Variants in ZGRF1 observed in about 807,000 individuals in gnomAD.
ZGRF1 encodes the protein 5'-3' DNA helicase ZGRF1.
Under a neutral mutation model 203.5 loss-of-function variants are expected in ZGRF1, and 196 were observed. That is an observed-to-expected ratio of 0.96 (90% CI 0.86 to 1.08). The LOEUF is 1.08. Among genes scored for constraint, ZGRF1 ranks in the 50% least tolerant of loss-of-function variants. The pLI is 0.00. For missense variants in ZGRF1, 2,326 were observed against 2,416.3 expected (o/e 0.96, Z 0.78); for synonymous variants, 809 against 841.3 (o/e 0.96, Z 0.66).
chr4:112,590,924 C>CAAAAAA (rs550984359), intron 10 of ZGRF1, among the ~76,000 whole-genome samples: 1 of 64,624 alleles, frequency 1.5e-5, no homozygotes, highest in Non-Finnish European at 3.3e-5. Context: ...GACTCCTTCT[C>CAAAAAA]AAAAAAAAAA....
chr4:112,568,947 C>T (rs111974310), intron 16 of ZGRF1, among the ~76,000 whole-genome samples: 10,753 of 151,582 alleles, frequency 0.071, 516 homozygotes, highest in Non-Finnish European at 0.099. Flanking sequence ...ATTCAGGAGG[C>T]GGAGGTTGCA....
rs757643500 is a variant in ZGRF1, at chr4:112,617,426, C to T, written c.2602+14G>A. 4 of 1,509,280 alleles carry T rather than the reference C, an allele frequency of 2.7e-6. No individual in the cohort carries two copies. In the African/African-American group the frequency reaches 5.6e-5, roughly 21 times the overall value. 93.5% of individuals were successfully genotyped at this position (1,509,280 alleles called of 1,614,324 possible). A position where few individuals can be genotyped will look rare whatever the true frequency, so the allele number is the denominator to read the frequency against. On this transcript the variant is annotated intron_variant, in intron 6 of 27. Coordinates refer to ENST00000505019, the MANE Select transcript of ZGRF1 (RefSeq NM_018392.5). ...TATAAAGAAAACATTCCAAAATAGACATGCAATTCTAACCTTCAGGAGGGC... is the reference window on the plus strand; with the variant it reads ...TATAAAGAAAACATTCCAAAATAGATATGCAATTCTAACCTTCAGGAGGGC...
rs186949096 is a variant in ZGRF1, at chr4:112,635,237, G to A, written c.-67+1614C>T. ...ATGCCAAGAAGATAAAAGAGAGATC[G>A]AGAAAAACACTCCTGGGCTAGATAT... is the stretch of plus-strand genomic sequence containing the variant. On this transcript the variant is annotated intron_variant, in intron 1 of 27. Transcript: ENST00000505019. Among the ~76,000 whole-genome samples, 179 of 151,924 alleles carry A rather than the reference G, an allele frequency of 1.2e-3. 1 individual carries two copies. Among genetic ancestry groups the A allele is most frequent in the African/African-American group, 4.1e-3 (168 of 41,426 alleles).
At chr4:112,578,949 C>G (rs1486853621) in intron 16 of ZGRF1, among the ~76,000 whole-genome samples, 1 of 122,852 alleles carries the variant, frequency 8.1e-6, no homozygotes, top group Non-Finnish European at 1.8e-5. Context: ...GATACCAAAG[C>G]CTGGCAGAGA....
At chr4:112,627,363 T>C (rs2047271044) in intron 3 of ZGRF1, among the ~76,000 whole-genome samples, 1 of 152,226 alleles carries the variant, frequency 6.6e-6, no homozygotes, top group South Asian at 2.1e-4. Context: ...TAGATTATTC[T>C]ACAGCCTCTA....
At position 112,581,711 on chromosome 4, in the gene ZGRF1, G is replaced by C. The variant is rs769994271; in HGVS notation, c.4390C>G (p.Leu1464Val). The C allele has an allele frequency of 1.9e-6, 3 of 1,583,440 alleles. No homozygotes were observed. In the African/African-American group the frequency reaches 4.1e-5, roughly 22 times the overall value. ...TCCTTCCGACTTAGCTTAAGATAAA[G>C]TTTGGTTTTTGGTTCATTATAAAAC... ...PEFYNEPKTK[L>V]YLKLSRKERS... The change falls in exon 16 of 28, where the codon CTT becomes GTT. Residue 1464 changes from leucine to valine, a missense_variant. Transcript: ENST00000505019.
chr4:112,546,899 G>T (rs79010509), intron 24 of ZGRF1: 2 of 153,246 alleles, frequency 1.3e-5, no homozygotes, highest in East Asian at 1.9e-4. Flanking sequence ...CCCAGTCTCA[G>T]GTTTTTCTGT....
intron 16 of ZGRF1, among the ~76,000 whole-genome samples, chr4:112,578,447 C>G (rs1227540216): frequency 9.3e-6 from 1 of 107,784 alleles, no homozygotes; most frequent in Admixed American, 1.1e-4. Context: ...GAAATAGAGA[C>G]ACAAAAAACC....
At chr4:112,628,591 A>G (rs1578495398) in intron 3 of ZGRF1, 1 of 455,950 alleles carries the variant, frequency 2.2e-6, no homozygotes, top group African/African-American at 2.0e-5. Context: ...TGAGGGCGTT[A>G]TTTAGGAAAC....
chr4:112,571,414 T>A (rs1744195815), intron 16 of ZGRF1, among the ~76,000 whole-genome samples: 1 of 152,076 alleles, frequency 6.6e-6, no homozygotes, highest in Admixed American at 6.6e-5. Flanking sequence ...AACAATACAA[T>A]GGTATCAGAG....
At chr4:112,559,689 AC>A (rs1196553030) in intron 19 of ZGRF1, among the ~76,000 whole-genome samples, 2 of 152,138 alleles carry the variant, frequency 1.3e-5, no homozygotes, top group African/African-American at 4.8e-5. Flanking sequence ...TAATCCTCCA[AC>A]CCTATGAGGT....
rs755578680 is a variant in ZGRF1, at chr4:112,618,578, T to TC, written c.1463_1464insG (p.Ser489IlefsTer2). The TC allele has an allele frequency of 3.1e-6, 5 of 1,613,736 alleles. No homozygotes were observed. Among genetic ancestry groups the TC allele is most frequent in the South Asian group, 1.1e-5 (1 of 91,068 alleles). On this transcript the variant is annotated frameshift_variant, in exon 6 of 28. Transcript: ENST00000505019. LOFTEE classifies it high-confidence loss of function. ...CAGAGATCCTAGAATTATTACTAGA[T>TC]TCAATTTGGAGATGTTTCAGTTCTG...
At chr4:112,553,703 T>C (rs1217961256) in intron 22 of ZGRF1, 132 bp downstream of exon 22, 2 of 724,614 alleles carry the variant, frequency 2.8e-6, no homozygotes, top group African/African-American at 1.8e-5. Context: ...TCCACATGCA[T>C]GCACCTTAGT....
Position 112,539,967 on chromosome 4 carries a change from A to G in ZGRF1, c.6068T>C (p.Met2023Thr), listed in dbSNP as rs774401641. 142 of 1,613,764 alleles carry G rather than the reference A, an allele frequency of 8.8e-5. 2 individuals carry two copies. In the East Asian group the frequency reaches 3.1e-3, roughly 35 times the overall value. The change falls in exon 27 of 28, where the codon ATG (methionine) becomes ACG (threonine). Residue 2023 changes from methionine to threonine, a missense_variant. Coordinates refer to ENST00000505019, the MANE Select transcript of ZGRF1 (RefSeq NM_018392.5). ...QVGFIDSEKR[M>T]NVALTRGKRH... ...CTTTCCTCTAGTCAATGCAACATTCATTCTTTTTTCTGAATCAATGAATCC... is the reference window on the plus strand; with the variant it reads ...CTTTCCTCTAGTCAATGCAACATTCGTTCTTTTTTCTGAATCAATGAATCC...
chr4:112,620,083 T>A lies in ZGRF1; in HGVS notation c.270A>T (p.Ala90=), dbSNP rs751643867. 1 of 1,613,334 alleles carries A rather than the reference T, an allele frequency of 6.2e-7. No individual in the cohort carries two copies. Among genetic ancestry groups the A allele is most frequent in the Non-Finnish European group, 8.5e-7 (1 of 1,179,614 alleles). Residue 90 remains alanine, a synonymous_variant, in exon 5 of 28, where the codon GCA becomes GCT. Coordinates refer to ENST00000505019, the MANE Select transcript of ZGRF1 (RefSeq NM_018392.5). ...GIVKQNVNKE[A]PELNSRTFIS... ...TAAATGTCCTTGAATTTAACTCTGGTGCTTCTTTATTGACATTCTGCTTAA... is the reference window on the plus strand; with the variant it reads ...TAAATGTCCTTGAATTTAACTCTGGAGCTTCTTTATTGACATTCTGCTTAA...
chr4:112,560,054 A>G (rs979857273), intron 19 of ZGRF1, among the ~76,000 whole-genome samples: 1 of 152,244 alleles, frequency 6.6e-6, no homozygotes, highest in Admixed American at 6.5e-5. Flanking sequence ...GATCACTCTC[A>G]GATTTGATTT....
chr4:112,544,502 T>G (rs1738354083), intron 24 of ZGRF1, among the ~76,000 whole-genome samples: 1 of 152,142 alleles, frequency 6.6e-6, no homozygotes, highest in African/African-American at 2.4e-5. Context: ...TTGACAGTTT[T>G]TAGTAGAATT....
chr4:112,589,677 C>A (rs1424651703), intron 11 of ZGRF1, 47 bp downstream of exon 11: 2 of 1,547,804 alleles, frequency 1.3e-6, no homozygotes, highest in East Asian at 2.2e-5. Flanking sequence ...TAAAAAACTT[C>A]ATCTTAAATG....
intron 10 of ZGRF1, among the ~76,000 whole-genome samples, chr4:112,596,830 TG>T (rs1396368975): frequency 6.6e-6 from 1 of 152,046 alleles, no homozygotes; most frequent in Non-Finnish European, 1.5e-5. Context: ...TGAGCTCAGG[TG>T]ATCTGCCCAC....
Sources: allele counts gnomAD v4.1 joint callset (sites outside exome capture counted in the v4.1 genomes callset), GRCh38; gene constraint gnomAD v4.1.1; transcripts MANE v1.5; gene names NCBI Gene and HGNC (gene_info 2026-07-23, HGNC 2026-07-21).